Variants in CCDC39 observed in about 807,000 individuals in gnomAD.
CCDC39 encodes the protein coiled-coil domain 39 molecular ruler complex subunit.
A neutral mutation model predicts 121.0 loss-of-function variants in CCDC39; 113 were observed. The observed-to-expected ratio is 0.93, with a 90% CI of 0.80 to 1.09. The LOEUF is 1.09. CCDC39 is among the 50% of genes least tolerant of loss of function. CCDC39 has a pLI of 0.00. For synonymous variants in CCDC39, 349 were observed against 352.2 expected, an observed-to-expected ratio of 0.99 and a Z score of 0.10; for missense variants, 1,063 against 1,074.7, an observed-to-expected ratio of 0.99 and a Z score of 0.15.
At position 180,679,286 on chromosome 3, in the gene CCDC39, C is replaced by G. The variant is rs1192127945; in HGVS notation, c.90+5G>C. 2 of 1,612,836 alleles carry G rather than the reference C, an allele frequency of 1.2e-6. No individual in the cohort carries two copies. The highest frequency in any genetic ancestry group is 1.7e-6 in the Non-Finnish European group (2 of 1,178,954). On this transcript the variant is annotated splice_donor_5th_base_variant and intron_variant, in intron 1 of 19. Transcript: ENST00000476379. The surrounding 1 kb of genome is among the most constrained non-coding windows in gnomAD (Gnocchi z 4.0). ...CTTCCTCCCGCCTGCTTCAATTGATCTCACCTGATCTTCCAGTAGCTTGTT... is the reference window on the plus strand; with the variant it reads ...CTTCCTCCCGCCTGCTTCAATTGATGTCACCTGATCTTCCAGTAGCTTGTT...
chr3:180,640,228 C>A (rs1245231654), intron 13 of CCDC39, among the ~76,000 whole-genome samples: 1 of 151,670 alleles, frequency 6.6e-6, no homozygotes, highest in Non-Finnish European at 1.5e-5. Context: ...CTCAAATATA[C>A]CTCAATAAAG....
At position 180,651,809 on chromosome 3, in the gene CCDC39, G is replaced by A. The variant is rs1029967074; in HGVS notation, c.1035-276C>T. ...TCCCAGCACTTTGGGAGGCCAAGGC[G>A]GGCAGATCACGAGGTCAGGAGATCA... On this transcript the variant is annotated intron_variant, in intron 8 of 19. Coordinates refer to ENST00000476379, the MANE Select transcript of CCDC39 (RefSeq NM_181426.2). 1.7e-4 allele frequency among the ~76,000 whole-genome samples: 26 copies of A among 152,200 alleles called. 1 individual carries two copies. Among genetic ancestry groups the A allele is most frequent in the East Asian group, 3.9e-4 (2 of 5,164 alleles).
At chr3:180,678,599 C>G (rs1453675373) in intron 1 of CCDC39, among the ~76,000 whole-genome samples, 1 of 152,058 alleles carries the variant, frequency 6.6e-6, no homozygotes, top group East Asian at 1.9e-4. Flanking sequence ...TAGGGTTCCT[C>G]CGCCTCAGCC....
At chr3:180,657,817 T>C (rs1347646653) in intron 6 of CCDC39, among the ~76,000 whole-genome samples, 1 of 152,206 alleles carries the variant, frequency 6.6e-6, no homozygotes, top group African/African-American at 2.4e-5. Context: ...AACTTGAATC[T>C]ATACTCCCAG....
chr3:180,616,203 G>A (rs533391606), intron 19 of CCDC39, 78 bp downstream of exon 19: 76 of 1,198,258 alleles, frequency 6.3e-5, no homozygotes, highest in East Asian at 2.6e-4. Flanking sequence ...TAACAGCTGC[G>A]GTGATGTAGA....
intron 8 of CCDC39, among the ~76,000 whole-genome samples, 195 bp downstream of exon 8, chr3:180,651,968 C>T (rs925951033): frequency 7.3e-5 from 11 of 151,410 alleles, no homozygotes; most frequent in African/African-American, 2.7e-4. Context: ...ACCCAGGAGG[C>T]GGAGCTTGCA....
intron 14 of CCDC39, among the ~76,000 whole-genome samples, chr3:180,630,445 T>A (rs1326342988): frequency 2.0e-5 from 3 of 152,042 alleles, no homozygotes; most frequent in African/African-American, 7.2e-5. Context: ...GAAGAAGAGC[T>A]ACAGGAGAAA....
intron 1 of CCDC39, among the ~76,000 whole-genome samples, chr3:180,669,986 G>C (rs1711988207): frequency 6.6e-6 from 1 of 151,972 alleles, no homozygotes; most frequent in African/African-American, 2.4e-5. Flanking sequence ...CTTTTTTTCA[G>C]TGTTTTCATC....
chr3:180,661,909 CCGTTGAATTTCATCTTTCACT>C lies in CCDC39; in HGVS notation c.288_308del (p.Val97_Arg103del). 1 of 1,587,772 alleles carries C rather than the reference CCGTTGAATTTCATCTTTCACT, an allele frequency of 6.3e-7. No homozygotes were observed. Among genetic ancestry groups the C allele is most frequent in the Non-Finnish European group, 8.6e-7 (1 of 1,165,282 alleles). On this transcript the variant is annotated inframe_deletion, in exon 3 of 20. Coordinates refer to ENST00000476379, the MANE Select transcript of CCDC39 (RefSeq NM_181426.2). ...GTATTGAAGCCATCTCATTTTCCAG[CCGTTGAATTTCATCTTTCACT>C]CGTCCCAATTCTCTTTGAGCAATGG...
intron 7 of CCDC39, 102 bp downstream of exon 7, chr3:180,654,659 AC>A: frequency 7.9e-5 from 57 of 717,656 alleles, no homozygotes; most frequent in East Asian, 1.7e-4. Context: ...AAAAAAAAAA[AC>A]TAGAAGTAGT....
chr3:180,648,889 A>G (rs945300609), intron 9 of CCDC39, among the ~76,000 whole-genome samples: 22 of 152,172 alleles, frequency 1.4e-4, no homozygotes, highest in Admixed American at 1.3e-4. Context: ...TGCTACTAAC[A>G]TGATTCCACT....
Position 180,642,821 on chromosome 3 carries a change from CAAG to C in CCDC39, c.1666-623_1666-621del, listed in dbSNP as rs1280831580. ...ACATTTGTCTGATTTTTAGTGTAAC[CAAG>C]AAGTTTCTAAGCATAAAAATTAAAA... is the stretch of plus-strand genomic sequence containing the variant. On this transcript the variant is annotated intron_variant, in intron 12 of 19. Transcript: ENST00000476379. Among the ~76,000 whole-genome samples the C allele has an allele frequency of 2.7e-5, 4 of 149,956 alleles. No homozygotes were observed. The South Asian group carries it at 8.5e-4, about 32-fold the overall frequency.
At chr3:180,666,981 A>G (rs533649554) in intron 1 of CCDC39, among the ~76,000 whole-genome samples, 28 of 152,304 alleles carry the variant, frequency 1.8e-4, no homozygotes, top group African/African-American at 6.5e-4. Context: ...ATAGTTCATC[A>G]ATATAGTTGC....
At chr3:180,654,239 A>G (rs954368010) in intron 7 of CCDC39, among the ~76,000 whole-genome samples, 2 of 140,204 alleles carry the variant, frequency 1.4e-5, no homozygotes, top group African/African-American at 3.2e-5. Flanking sequence ...AAAAAAAAAA[A>G]AAAGAGAGAA....
At chr3:180,674,344 G>T (rs1354724293) in intron 1 of CCDC39, among the ~76,000 whole-genome samples, 3 of 152,112 alleles carry the variant, frequency 2.0e-5, no homozygotes, top group African/African-American at 2.4e-5. Context: ...CTGAGACTTT[G>T]CTGAAGTTGC....
chr3:180,671,827 T>G (rs1200757302), intron 1 of CCDC39, among the ~76,000 whole-genome samples: 1 of 152,176 alleles, frequency 6.6e-6, no homozygotes, highest in African/African-American at 2.4e-5. Flanking sequence ...CTAGCAGAGC[T>G]GGGTTCATGA....
intron 1 of CCDC39, among the ~76,000 whole-genome samples, chr3:180,665,488 T>G (rs1560093888): frequency 6.6e-6 from 1 of 152,160 alleles, no homozygotes; most frequent in African/African-American, 2.4e-5. Flanking sequence ...AAATACTAAT[T>G]TACTCATTTG....
intron 7 of CCDC39, among the ~76,000 whole-genome samples, chr3:180,654,428 A>T (rs1444899260): frequency 6.6e-6 from 1 of 151,824 alleles, no homozygotes; most frequent in East Asian, 1.9e-4. Context: ...CAACAAAAGC[A>T]AAAATAAACA....
At position 180,616,324 on chromosome 3, in the gene CCDC39, G is replaced by C; in HGVS notation, c.2626C>G (p.Arg876Gly). The change falls in exon 19 of 20, where the codon CGT (arginine) becomes GGT (glycine). Residue 876 changes from arginine (R) to glycine (G), a missense_variant. Physicochemically the swap from Arg to Gly is moderately radical, Grantham distance 125. Coordinates refer to ENST00000476379, the MANE Select transcript of CCDC39 (RefSeq NM_181426.2). ...ELPTASTKGS[R>G]QSSRSPSHTS... ...TGTGAAGGAGATCTAGAGCTCTGACGACTGCCTTTTGTGCTAGCTGTAGGT... is the reference window on the plus strand; with the variant it reads ...TGTGAAGGAGATCTAGAGCTCTGACCACTGCCTTTTGTGCTAGCTGTAGGT... The C allele has an allele frequency of 6.2e-7, 1 of 1,613,236 alleles. No homozygotes were observed. Among genetic ancestry groups the C allele is most frequent in the Non-Finnish European group, 8.5e-7 (1 of 1,179,448 alleles).
Sources: gnomAD v4.1 joint callset for allele counts (sites outside exome capture counted in the v4.1 genomes callset) on GRCh38, gnomAD v4.1.1 for gene constraint, Gnocchi (gnomAD v3.1) non-coding constraint, MANE v1.5 for transcripts, NCBI Gene and HGNC (gene_info 2026-07-23, HGNC 2026-07-21) for gene names.